The following APBB1IP variants were observed in gnomAD, a reference collection of about 807,000 sequenced individuals.
APBB1IP encodes the protein amyloid beta A4 precursor protein-binding family B member 1-interacting protein.
A neutral mutation model predicts 64.9 loss-of-function variants in APBB1IP; 27 were observed. The observed-to-expected ratio is 0.42, with a 90% CI of 0.31 to 0.57. The LOEUF is 0.57. APBB1IP is among the 20% of genes least tolerant of loss of function. The probability of loss-of-function intolerance (pLI) is 0.20; values close to 1 mark genes in which losing one functional copy is unlikely to be tolerated. For synonymous variants in APBB1IP, 392 were observed against 331.0 expected, an observed-to-expected ratio of 1.18 and a Z score of -2.00; for missense variants, 812 against 845.5, an observed-to-expected ratio of 0.96 and a Z score of 0.49.
chr10:26,503,441 C>G (rs1836131373), intron 6 of APBB1IP, among the ~76,000 whole-genome samples, 167 bp downstream of exon 6: 1 of 152,130 alleles, frequency 6.6e-6, no homozygotes, highest in Admixed American at 6.5e-5. Flanking sequence ...CGAGACCATC[C>G]TGGCTAACAT....
chr10:26,567,122 C>T lies in APBB1IP; in HGVS notation c.1635C>T (p.Gly545=), dbSNP rs1018345422. The T allele has an allele frequency of 1.4e-6, 2 of 1,422,360 alleles. No homozygotes were observed. The highest frequency in any genetic ancestry group is 1.5e-5 in the African/African-American group (1 of 65,752). 88.1% of individuals were successfully genotyped at this position (1,422,360 alleles called of 1,614,324 possible). The change falls in exon 15 of 15, where the codon GGC becomes GGT. Residue 545 remains glycine, a synonymous_variant. Transcript: ENST00000376236. ...PLKAKGTGGG[G]LPAPPDDFLP... ...AGGCCAAGGGCACAGGCGGCGGGGGCTTGCCCGCCCCACCCGACGACTTCC... is the reference window on the plus strand; with the variant it reads ...AGGCCAAGGGCACAGGCGGCGGGGGTTTGCCCGCCCCACCCGACGACTTCC...
chr10:26,531,390 A>G (rs1216851915), intron 8 of APBB1IP, among the ~76,000 whole-genome samples: 1 of 152,030 alleles, frequency 6.6e-6, no homozygotes, highest in South Asian at 2.1e-4. Context: ...GTTAGCAGCC[A>G]GGCGCGGTGG....
chr10:26,531,659 C>T (rs1490057707), intron 8 of APBB1IP, among the ~76,000 whole-genome samples: 7 of 138,234 alleles, frequency 5.1e-5, no homozygotes, highest in Non-Finnish European at 9.7e-5. Flanking sequence ...AGAGCGAGAC[C>T]CCGTCTCAAA....
At position 26,560,203 on chromosome 10, in the gene APBB1IP, G is replaced by A; in HGVS notation, c.1254G>A (p.Lys418=). The change falls in exon 12 of 15, where the codon AAG becomes AAA. Residue 418 remains lysine, a splice_region_variant and synonymous_variant. Coordinates refer to ENST00000376236, the MANE Select transcript of APBB1IP (RefSeq NM_019043.4). The stretch of plus-strand genomic sequence containing the variant: ...GGGTCATGGGAATACGGATAGCCAA[G>A]GTGAGAGAGCGTTCGGACTTCACCC... ...NQWVMGIRIA[K]YGKTLYDNYQ... The A allele has an allele frequency of 6.2e-7, 1 of 1,613,672 alleles. No individual in the cohort carries two copies.
At chr10:26,549,760 C>G (rs770698750) in intron 11 of APBB1IP, among the ~76,000 whole-genome samples, 21 of 151,564 alleles carry the variant, frequency 1.4e-4, no homozygotes, top group Non-Finnish European at 2.1e-4. Context: ...AAAACTTACT[C>G]TTTGTTTTAT....
At chr10:26,442,224 A>G (rs1192165109) in intron 2 of APBB1IP, among the ~76,000 whole-genome samples, 3 of 152,222 alleles carry the variant, frequency 2.0e-5, no homozygotes, top group Non-Finnish European at 4.4e-5. Flanking sequence ...CCAAGCAAAG[A>G]ACTTATCGTG....
chr10:26,517,767 A>G (rs1365836592), intron 8 of APBB1IP, among the ~76,000 whole-genome samples: 1 of 152,218 alleles, frequency 6.6e-6, no homozygotes, highest in East Asian at 1.9e-4. Context: ...ACCAAAACCT[A>G]TTTATCCATT....
intron 8 of APBB1IP, among the ~76,000 whole-genome samples, chr10:26,522,420 A>T (rs1183989940): frequency 6.6e-6 from 1 of 152,182 alleles, no homozygotes; most frequent in Non-Finnish European, 1.5e-5. Context: ...ACTTTTGGTG[A>T]TGTACAGTAA....
rs1317172823 is a variant in APBB1IP, at chr10:26,493,340, A to G, written c.72+942A>G. Among the ~76,000 whole-genome samples the G allele has an allele frequency of 2.0e-5, 3 of 152,372 alleles. No homozygotes were observed. The South Asian group carries it at 6.2e-4, about 32-fold the overall frequency. ...TACATCTTTAGCTTATGAAGATGAC[A>G]GGATTAAAAGATTAAAGACAGGCAG... On this transcript the variant is annotated intron_variant, in intron 3 of 14. Transcript: ENST00000376236.
At chr10:26,467,003 T>A (rs1835655721) in intron 2 of APBB1IP, among the ~76,000 whole-genome samples, 1 of 152,136 alleles carries the variant, frequency 6.6e-6, no homozygotes, top group South Asian at 2.1e-4. Context: ...GATTCCCTAA[T>A]ACATAGCTTA....
intron 14 of APBB1IP, among the ~76,000 whole-genome samples, chr10:26,564,533 T>G (rs1018995868): frequency 1.3e-5 from 2 of 152,210 alleles, no homozygotes; most frequent in African/African-American, 4.8e-5. Context: ...CCAGACATAG[T>G]GGCTCACGCC....
chr10:26,530,735 G>A (rs76353451), intron 8 of APBB1IP, among the ~76,000 whole-genome samples: 11 of 151,808 alleles, frequency 7.2e-5, no homozygotes, highest in East Asian at 5.8e-4. Context: ...GCCACTAATC[G>A]GCCTTGGGAA....
chr10:26,445,561 A>C (rs1835387690), intron 2 of APBB1IP, among the ~76,000 whole-genome samples: 2 of 152,188 alleles, frequency 1.3e-5, no homozygotes, highest in Non-Finnish European at 2.9e-5. Context: ...GGCCACGTAA[A>C]TTCTTAACCC....
At chr10:26,535,246 C>T (rs1330946515) in intron 9 of APBB1IP, among the ~76,000 whole-genome samples, 1 of 151,994 alleles carries the variant, frequency 6.6e-6, no homozygotes, top group Non-Finnish European at 1.5e-5. Flanking sequence ...TTATAACTGC[C>T]TTCTTCCTTC....
intron 11 of APBB1IP, among the ~76,000 whole-genome samples, chr10:26,543,820 T>C (rs933345629): frequency 1.3e-5 from 2 of 152,056 alleles, no homozygotes; most frequent in African/African-American, 4.8e-5. Flanking sequence ...GAGCAAGAAT[T>C]ATCTGCAGTA....
At chr10:26,549,339 T>C (rs1017884051) in intron 11 of APBB1IP, among the ~76,000 whole-genome samples, 2 of 152,210 alleles carry the variant, frequency 1.3e-5, no homozygotes, top group Admixed American at 6.5e-5. Flanking sequence ...GTAGGCCTCA[T>C]AGAATGAGTT....
At chr10:26,451,349 G>A (rs1299619013) in intron 2 of APBB1IP, among the ~76,000 whole-genome samples, 4 of 152,076 alleles carry the variant, frequency 2.6e-5, no homozygotes, top group African/African-American at 7.2e-5. Flanking sequence ...TCAGCTTCCC[G>A]AAGTACTGAG....
intron 2 of APBB1IP, among the ~76,000 whole-genome samples, chr10:26,452,362 C>T (rs1468725051): frequency 6.6e-6 from 1 of 152,210 alleles, no homozygotes; most frequent in African/African-American, 2.4e-5. Context: ...AATGAAAATA[C>T]AAGATGCCAT....
chr10:26,486,536 G>T (rs1835893896), intron 2 of APBB1IP, among the ~76,000 whole-genome samples: 1 of 152,146 alleles, frequency 6.6e-6, no homozygotes, highest in Admixed American at 6.6e-5. Flanking sequence ...GAGCTACTTA[G>T]AGGGAAATGC....
Sources: gnomAD v4.1 joint callset for allele counts (sites outside exome capture counted in the v4.1 genomes callset) on GRCh38, gnomAD v4.1.1 for gene constraint, MANE v1.5 for transcripts, NCBI Gene and HGNC (gene_info 2026-07-23, HGNC 2026-07-21) for gene names.